Variants in DHRSX observed in about 807,000 individuals in gnomAD.
DHRSX encodes dehydrogenase/reductase X-linked, also known as polyprenol dehydrogenase.
DHRSX carries 31 observed loss-of-function variants against 34.0 expected under a neutral mutation model. The ratio of observed to expected loss-of-function variants is 0.91; its 90% confidence interval spans 0.69 to 1.23. DHRSX has a LOEUF of 1.23. Among genes scored for constraint, DHRSX ranks in the 50% most tolerant of loss-of-function variants. The probability of loss-of-function intolerance (pLI) is 0.00; values close to 1 mark genes in which losing one functional copy is unlikely to be tolerated. For missense variants in DHRSX, 414 were observed against 428.1 expected (o/e 0.97, Z 0.29); for synonymous variants, 201 against 183.8 (o/e 1.09, Z -0.76).
At chrX:2,498,029 C>T (rs761235167) in intron 1 of DHRSX, among the ~76,000 whole-genome samples, 9 of 152,236 alleles carry the variant, frequency 5.9e-5, no homozygotes, top group Non-Finnish European at 1.2e-4. Flanking sequence ...CTTCTAAACC[C>T]CCTCTGTAAA....
chrX:2,410,267 A>G (rs1205806715), intron 2 of DHRSX, among the ~76,000 whole-genome samples: 1 of 152,208 alleles, frequency 6.6e-6, no homozygotes, highest in Non-Finnish European at 1.5e-5. Context: ...AGCCAAGCCC[A>G]AAACTCCCTT....
rs1254271855 is a variant in DHRSX, at chrX:2,439,321, C to G, written c.110-14017G>C. Among the ~76,000 whole-genome samples the G allele has an allele frequency of 2.6e-5, 4 of 152,182 alleles. No homozygotes were observed. In the East Asian group the frequency reaches 5.8e-4, roughly 22 times the overall value. Reference sequence around the variant, plus strand: ...GAGAGCAGCTGGAGCTTCATATATTCACACATTACAGAATGTATATACATA... The same window carrying G: ...GAGAGCAGCTGGAGCTTCATATATTGACACATTACAGAATGTATATACATA... On this transcript the variant is annotated intron_variant, in intron 1 of 6. Transcript: ENST00000334651.
chrX:2,272,049 A>G (rs2041563362), intron 4 of DHRSX, among the ~76,000 whole-genome samples: 1 of 151,946 alleles, frequency 6.6e-6, no homozygotes, highest in Non-Finnish European at 1.5e-5. Flanking sequence ...AAACAAAAAA[A>G]CATACCTGCA....
intron 1 of DHRSX, among the ~76,000 whole-genome samples, chrX:2,429,213 T>G (rs145514313): frequency 6.6e-6 from 1 of 152,148 alleles, no homozygotes; most frequent in Non-Finnish European, 1.5e-5. Flanking sequence ...TGTATTGATG[T>G]TCTTAATTTA....
intron 4 of DHRSX, among the ~76,000 whole-genome samples, chrX:2,271,909 T>G (rs755484430): frequency 6.6e-6 from 1 of 151,894 alleles, no homozygotes; most frequent in Non-Finnish European, 1.5e-5. Flanking sequence ...GGCGTGGTGG[T>G]GCATGCCTGT....
At chrX:2,397,330 C>G (rs2043424623) in intron 3 of DHRSX, among the ~76,000 whole-genome samples, 1 of 152,146 alleles carries the variant, frequency 6.6e-6, no homozygotes, top group Non-Finnish European at 1.5e-5. Flanking sequence ...GACGGAGTCT[C>G]TCTACGCCAC....
intron 1 of DHRSX, among the ~76,000 whole-genome samples, chrX:2,480,440 G>C (rs376577679): frequency 1.7e-3 from 255 of 150,964 alleles, no homozygotes; most frequent in Middle Eastern, 0.01. Flanking sequence ...ACAATGCTAT[G>C]GAAGGCTGAG....
At chrX:2,305,335 AAAC>A (rs781041307) in intron 3 of DHRSX, among the ~76,000 whole-genome samples, 70 of 152,282 alleles carry the variant, frequency 4.6e-4, no homozygotes, top group African/African-American at 1.6e-3. Flanking sequence ...AAAAATCAGG[AAAC>A]AACAGATGCT....
chrX:2,361,719 T>C (rs1185263480), intron 3 of DHRSX, among the ~76,000 whole-genome samples: 1 of 152,162 alleles, frequency 6.6e-6, no homozygotes, highest in East Asian at 1.9e-4. Context: ...TGGTAAGGTC[T>C]CACTCCTATA....
intron 3 of DHRSX, among the ~76,000 whole-genome samples, chrX:2,393,198 T>A (rs951334884): frequency 6.7e-6 from 1 of 150,132 alleles, no homozygotes; most frequent in Non-Finnish European, 1.5e-5. Flanking sequence ...ATAGATCAAA[T>A]ATATAAATGT....
In DHRSX at chrX:2,287,144, C is replaced by T. The variant is rs1248679975; in HGVS notation, c.388+4358G>A. Among the ~76,000 whole-genome samples the T allele has an allele frequency of 3.9e-5, 6 of 152,102 alleles. No individual in the cohort carries two copies. The East Asian group carries it at 5.8e-4, about 15-fold the overall frequency. On this transcript the variant is annotated intron_variant, in intron 4 of 6. Coordinates refer to ENST00000334651, the MANE Select transcript of DHRSX (RefSeq NM_145177.3). ...CTTATTATTTTATTTTTCCTGCAAG[C>T]GAAGTATGTGAAGGGCAGAGTAGGT...
rs57698531 is a variant in DHRSX at position 2,485,760 on chromosome X, G to A, written c.109+15057C>T. On this transcript the variant is annotated intron_variant, in intron 1 of 6. Transcript: ENST00000334651. ...AGGGAGAGAAGGGAGGGAAGGAAGGGAGAGAAGGAAGGAAGGGAGAAAAGG... is the reference window on the plus strand; with the variant it reads ...AGGGAGAGAAGGGAGGGAAGGAAGGAAGAGAAGGAAGGAAGGGAGAAAAGG... Among the ~76,000 whole-genome samples the A allele has an allele frequency of 1.7e-3, 88 of 50,800 alleles. 4 individuals carry two copies. Among genetic ancestry groups the A allele is most frequent in the Non-Finnish European group, 2.8e-3 (74 of 26,352 alleles). 33.3% of individuals were successfully genotyped at this position (50,800 alleles called of 152,430 possible). A position where few individuals can be genotyped will look rare whatever the true frequency, so the allele number is the denominator to read the frequency against.
chrX:2,488,957 AG>A, intron 1 of DHRSX: 1 of 1,596,950 alleles, frequency 6.3e-7, no homozygotes, highest in South Asian at 1.1e-5. Context: ...CCACCACTTG[AG>A]GGGGTCTTCG....
At chrX:2,272,135 C>CA (rs969371913) in intron 4 of DHRSX, among the ~76,000 whole-genome samples, 49 of 150,704 alleles carry the variant, frequency 3.3e-4, no homozygotes, top group Non-Finnish European at 5.2e-4. Flanking sequence ...GTCTCAAAAA[C>CA]AAAAAAAAAC....
intron 2 of DHRSX, among the ~76,000 whole-genome samples, chrX:2,411,266 G>A (rs969652600): frequency 5.3e-5 from 8 of 152,038 alleles, no homozygotes; most frequent in Non-Finnish European, 7.4e-5. Flanking sequence ...GGGTGCGGCC[G>A]GGTGCGGTGG....
chrX:2,239,584 G>A (rs35199753), intron 6 of DHRSX, among the ~76,000 whole-genome samples: 3,871 of 151,140 alleles, frequency 0.026, 97 homozygotes, highest in African/African-American at 0.06. Context: ...GTGAAACCCC[G>A]TCTCTACTAA....
intron 1 of DHRSX, among the ~76,000 whole-genome samples, chrX:2,470,577 G>A (rs1218846692): frequency 2.6e-5 from 4 of 151,904 alleles, no homozygotes; most frequent in African/African-American, 9.7e-5. Context: ...GTGTGGTGGT[G>A]TGCACCTGTA....
At chrX:2,460,043 G>A (rs1333559532) in intron 1 of DHRSX, among the ~76,000 whole-genome samples, 1 of 152,144 alleles carries the variant, frequency 6.6e-6, no homozygotes, top group South Asian at 2.1e-4. Flanking sequence ...AGGAGGTGGA[G>A]GTTGCAGTGA....
chrX:2,361,431 G>T (rs746452335), intron 3 of DHRSX, among the ~76,000 whole-genome samples: 1 of 152,084 alleles, frequency 6.6e-6, no homozygotes, highest in African/African-American at 2.4e-5. Flanking sequence ...AATGTTATCA[G>T]TAATGCTATA....
Sources: allele counts gnomAD v4.1 joint callset (sites outside exome capture counted in the v4.1 genomes callset), GRCh38; gene constraint gnomAD v4.1.1; transcripts MANE v1.5; gene names NCBI Gene and HGNC (gene_info 2026-07-23, HGNC 2026-07-21).